Variants in RPRD2 observed in about 807,000 individuals in gnomAD.
RPRD2 encodes the protein regulation of nuclear pre-mRNA domain-containing protein 2.
RPRD2 carries 12 observed loss-of-function variants against 104.4 expected under a neutral mutation model. That is an observed-to-expected ratio of 0.11 (90% CI 0.07 to 0.19). The LOEUF (loss-of-function observed/expected upper bound fraction) is 0.19, where lower values mean the gene tolerates loss of function less well. Ranked by LOEUF, RPRD2 falls within the 10% of genes least tolerant of loss-of-function variation. The probability of loss-of-function intolerance (pLI) is 1.00; values close to 1 mark genes in which losing one functional copy is unlikely to be tolerated. For missense variants in RPRD2, 1,543 were observed against 1,790.1 expected, an observed-to-expected ratio of 0.86 and a Z score of 2.49; for synonymous variants, 714 against 684.9, an observed-to-expected ratio of 1.04 and a Z score of -0.66.
At chr1:150,388,497 GCA>G (rs143626934) in intron 1 of RPRD2, among the ~76,000 whole-genome samples, 1,824 of 90,062 alleles carry the variant, frequency 0.02, 12 homozygotes, top group Non-Finnish European at 0.028. Flanking sequence ...ATATACCCGC[GCA>G]CACACACACA....
rs1160491386 is a variant in RPRD2 at position 150,431,473 on chromosome 1, A to ATTTTTTTTTTTTTTTTTTTTTTTTTT, written c.336-9426_336-9425insTTTTTTTTTTTTTTTTTTTTTTTTTT. Among the ~76,000 whole-genome samples the ATTTTTTTTTTTTTTTTTTTTTTTTTT allele has an allele frequency of 2.2e-3, 171 of 78,816 alleles. 11 individuals are homozygous for ATTTTTTTTTTTTTTTTTTTTTTTTTT. Among genetic ancestry groups the ATTTTTTTTTTTTTTTTTTTTTTTTTT allele is most frequent in the Admixed American group, 2.7e-3 (15 of 5,566 alleles). 51.7% of individuals were successfully genotyped at this position (78,816 alleles called of 152,430 possible). ...TATTATTCAGTCTTAAAAAGGAAGG[A>ATTTTTTTTTTTTTTTTTTTTTTTTTT]TTTTTTTTTTTTTTTTTTTTTTTTG... On this transcript the variant is annotated intron_variant, in intron 2 of 10. Transcript: ENST00000369068.
chr1:150,396,022 G>T (rs935373456), intron 1 of RPRD2, among the ~76,000 whole-genome samples: 6 of 152,118 alleles, frequency 3.9e-5, no homozygotes, highest in Non-Finnish European at 7.4e-5. Context: ...TTGATTTTTT[G>T]ATCATGGCCA....
chr1:150,437,403 C>G (rs782161973), intron 2 of RPRD2, among the ~76,000 whole-genome samples: 1 of 152,076 alleles, frequency 6.6e-6, no homozygotes, highest in African/African-American at 2.4e-5. Context: ...CAGTCATCAT[C>G]AAGGCAAGAC....
intron 2 of RPRD2, among the ~76,000 whole-genome samples, chr1:150,432,375 G>T (rs1407986066): frequency 6.6e-6 from 1 of 152,040 alleles, no homozygotes; most frequent in Non-Finnish European, 1.5e-5. Context: ...GGAGTTATTG[G>T]TACAGAGTAC....
intron 7 of RPRD2, among the ~76,000 whole-genome samples, chr1:150,452,246 C>T (rs1560214415): frequency 6.6e-6 from 1 of 151,708 alleles, no homozygotes; most frequent in Non-Finnish European, 1.5e-5. Context: ...CATGCAGCTA[C>T]AAGCCAAAAA....
At chr1:150,404,502 G>A (rs1001707685) in intron 1 of RPRD2, among the ~76,000 whole-genome samples, 12 of 151,900 alleles carry the variant, frequency 7.9e-5, no homozygotes, top group African/African-American at 2.7e-4. Flanking sequence ...TGCCTCGCTC[G>A]GCCTCCCAAA....
At chr1:150,446,181 A>T in intron 6 of RPRD2, 45 bp from the exon 7 acceptor site, 3 of 1,382,694 alleles carry the variant, frequency 2.2e-6, no homozygotes, top group Non-Finnish European at 1.9e-6. Context: ...AAATTTTTTT[A>T]TTTTTTATTT....
intron 7 of RPRD2, among the ~76,000 whole-genome samples, chr1:150,447,032 C>T (rs1298537167): frequency 6.6e-6 from 1 of 152,010 alleles, no homozygotes; most frequent in Non-Finnish European, 1.5e-5. Context: ...GACGAGGTTT[C>T]TCCATGTTGG....
intron 1 of RPRD2, among the ~76,000 whole-genome samples, chr1:150,387,253 G>A (rs1432199630): frequency 3.3e-5 from 5 of 152,096 alleles, no homozygotes; most frequent in Non-Finnish European, 7.4e-5. Flanking sequence ...CTAAGCATAT[G>A]TTTACTAGTT....
intron 7 of RPRD2, among the ~76,000 whole-genome samples, chr1:150,456,828 G>A (rs1041336279): frequency 1.3e-5 from 2 of 151,914 alleles, no homozygotes; most frequent in South Asian, 2.1e-4. Context: ...GGGAGGCCGA[G>A]GCAGGAGAAT....
intron 1 of RPRD2, among the ~76,000 whole-genome samples, chr1:150,384,995 C>T (rs1418791499): frequency 6.6e-6 from 1 of 152,038 alleles, no homozygotes; most frequent in Non-Finnish European, 1.5e-5. Context: ...CCACTGCACT[C>T]CAGCCTGGGC....
At chr1:150,468,710 C>G (rs142468415) in intron 10 of RPRD2, among the ~76,000 whole-genome samples, 65 of 152,146 alleles carry the variant, frequency 4.3e-4, no homozygotes, top group African/African-American at 1.5e-3. Context: ...GACCTTGTCT[C>G]TACTAAAAAT....
At position 150,472,937 on chromosome 1, in the gene RPRD2, C is replaced by T; in HGVS notation, c.3989C>T (p.Ser1330Phe). ...GCAGTATTTCCCAAGGACCATAGTTCCCTCCTTCAAGGGACCCTGGCTGAG... is the reference window on the plus strand; with the variant it reads ...GCAGTATTTCCCAAGGACCATAGTTTCCTCCTTCAAGGGACCCTGGCTGAG... ...AVAVFPKDHS[S>F]LLQGTLAEHF... Residue 1330 changes from serine to phenylalanine, a missense_variant, in exon 11 of 11, where the codon TCC becomes TTC. This residue lies in a region of RPRD2 where 880 missense variants were observed against 885.6 expected (regional missense o/e 0.99). Transcript: ENST00000369068. 1 of 1,613,524 alleles carries T rather than the reference C, an allele frequency of 6.2e-7. No individual in the cohort carries two copies. Among genetic ancestry groups the T allele is most frequent in the Non-Finnish European group, 8.5e-7 (1 of 1,179,648 alleles).
intron 9 of RPRD2, among the ~76,000 whole-genome samples, chr1:150,462,656 C>T (rs1553899064): frequency 6.6e-6 from 1 of 151,916 alleles, no homozygotes; most frequent in African/African-American, 2.4e-5. Flanking sequence ...TCCCAGGTCA[C>T]GCCATTCTCC....
intron 10 of RPRD2, among the ~76,000 whole-genome samples, chr1:150,467,292 TGAC>T (rs1668341253): frequency 6.6e-6 from 1 of 152,214 alleles, no homozygotes; most frequent in Non-Finnish European, 1.5e-5. Context: ...GAATTGATGA[TGAC>T]TGCAGCACAT....
At chr1:150,377,164 T>C (rs1660762033) in intron 1 of RPRD2, among the ~76,000 whole-genome samples, 1 of 150,984 alleles carries the variant, frequency 6.6e-6, no homozygotes, top group Non-Finnish European at 1.5e-5. Context: ...TGAGCTGAGA[T>C]TACGCCACTA....
chr1:150,457,425 T>G lies in RPRD2; in HGVS notation c.1008T>G (p.Ser336=), dbSNP rs1553897835. 6.2e-6 allele frequency: 10 copies of G among 1,613,912 alleles called. No homozygotes were observed. Among genetic ancestry groups the G allele is most frequent in the Non-Finnish European group, 8.5e-6 (10 of 1,179,882 alleles). Residue 336 remains serine, a synonymous_variant, in exon 8 of 11, where the codon TCT becomes TCG. Coordinates refer to ENST00000369068, the MANE Select transcript of RPRD2 (RefSeq NM_015203.5). The part of the protein sequence containing the change: ...MDAPSPTGSE[S]PFQGMGGEES... ...CTCCCTCCCCGACTGGTTCTGAGTC[T>G]CCTTTTCAGGGAATGGGAGGTGAGG...
Position 150,461,195 on chromosome 1 carries a change from A to G in RPRD2, c.1411+878A>G, listed in dbSNP as rs920734465. On this transcript the variant is annotated intron_variant, in intron 9 of 10. Coordinates refer to ENST00000369068, the MANE Select transcript of RPRD2 (RefSeq NM_015203.5). ...GATTGCCTGAGGCCAGGAGTTCGAG[A>G]CCAGCCTTGGCAATATAGTGAGACC... Among the ~76,000 whole-genome samples the G allele has an allele frequency of 5.3e-5, 8 of 151,390 alleles. 1 individual carries two copies. In the South Asian group the frequency reaches 1.7e-3, roughly 32 times the overall value.
At chr1:150,468,631 CT>C (rs1668428776) in intron 10 of RPRD2, among the ~76,000 whole-genome samples, 1 of 152,118 alleles carries the variant, frequency 6.6e-6, no homozygotes, top group Non-Finnish European at 1.5e-5. Flanking sequence ...AATCTCAGCA[CT>C]TTGGGAGGCT....
Sources: gnomAD v4.1 joint callset for allele counts (sites outside exome capture counted in the v4.1 genomes callset) on GRCh38, gnomAD v4.1.1 for gene constraint, gnomAD v4.1.1 regional missense constraint, MANE v1.5 for transcripts, NCBI Gene and HGNC (gene_info 2026-07-23, HGNC 2026-07-21) for gene names.